CEMIP: variants seen among roughly 807,000 people sequenced by gnomAD.
CEMIP encodes cell migration inducing hyaluronidase 1, also known as cell migration-inducing and hyaluronan-binding protein.
Under a neutral mutation model 156.9 loss-of-function variants are expected in CEMIP, and 105 were observed. The observed-to-expected ratio is 0.67, with a 90% confidence interval of 0.57 to 0.79. CEMIP has a LOEUF of 0.79. CEMIP is among the 30% of genes least tolerant of loss of function. The pLI is 0.00. For missense variants in CEMIP, 1,457 were observed against 1,769.4 expected, an observed-to-expected ratio of 0.82 and a Z score of 3.17; for synonymous variants, 676 against 668.4, an observed-to-expected ratio of 1.01 and a Z score of -0.17.
intron 1 of CEMIP, among the ~76,000 whole-genome samples, chr15:80,851,936 TG>T (rs1458925118): frequency 6.6e-6 from 1 of 152,026 alleles, no homozygotes; most frequent in African/African-American, 2.4e-5. Flanking sequence ...AGACTGGAGA[TG>T]GGCTGACCAT....
intron 24 of CEMIP, among the ~76,000 whole-genome samples, chr15:80,937,540 C>A (rs114729178): frequency 1.3e-5 from 2 of 152,196 alleles, no homozygotes; most frequent in East Asian, 1.9e-4. Flanking sequence ...ATATGCAGCA[C>A]CCCCAGGGTT....
At chr15:80,797,420 G>C (rs1896257927) in intron 1 of CEMIP, among the ~76,000 whole-genome samples, 1 of 152,174 alleles carries the variant, frequency 6.6e-6, no homozygotes, top group South Asian at 2.1e-4. Context: ...GCAGGGTCCA[G>C]CTGCTCCTGG....
At chr15:80,868,580 C>T (rs371371035) in intron 1 of CEMIP, among the ~76,000 whole-genome samples, 223 of 152,274 alleles carry the variant, frequency 1.5e-3, no homozygotes, top group African/African-American at 4.6e-3. Context: ...TTCCTATCAG[C>T]GCCTACATTC....
Position 80,873,981 on chromosome 15 carries a change from C to G in CEMIP, c.94+8C>G, listed in dbSNP as rs1246529844. On this transcript the variant is annotated splice_region_variant and intron_variant, in intron 3 of 29. Transcript: ENST00000394685. ...CTGGGGCCACATCCACAGGTGAGCA[C>G]TGCAAACAGATGGACCTCTGTATCT... The G allele has an allele frequency of 1.9e-6, 3 of 1,562,712 alleles. No homozygotes were observed. The highest frequency in any genetic ancestry group is 2.3e-5 in the East Asian group (1 of 43,012).
chr15:80,846,244 A>G (rs1897553706), intron 1 of CEMIP, among the ~76,000 whole-genome samples: 1 of 152,134 alleles, frequency 6.6e-6, no homozygotes, highest in Admixed American at 6.5e-5. Context: ...ACTCACCCAC[A>G]TAGGCCCGTG....
chr15:80,909,524 G>A (rs1005056911), intron 14 of CEMIP: 6 of 639,660 alleles, frequency 9.4e-6, no homozygotes, highest in African/African-American at 1.8e-5. Flanking sequence ...AGAGATGGGA[G>A]AGTGATTACT....
At position 80,906,686 on chromosome 15, in the gene CEMIP, G is replaced by A. The variant is rs770502339; in HGVS notation, c.1435G>A (p.Gly479Arg). Residue 479 changes from glycine to arginine, a missense_variant, in exon 13 of 30, where the codon GGG (glycine) becomes AGG (arginine). Physicochemically the swap from Gly to Arg is moderately radical, Grantham distance 125 (BLOSUM62 -2). Coordinates refer to ENST00000394685, the MANE Select transcript of CEMIP (RefSeq NM_001293298.2). The surrounding 1 kb of genome is among the most constrained non-coding windows in gnomAD (Gnocchi z 4.3). The stretch of plus-strand genomic sequence containing the variant: ...AGGGAAACCAATGTACCTGCACATC[G>A]GGGAGGAGATAGACGGCGTGGACAT... Reference protein sequence around the residue: ...VAGKPMYLHIGEEIDGVDMRA... With the variant: ...VAGKPMYLHIREEIDGVDMRA... 8.7e-6 allele frequency: 14 copies of A among 1,614,000 alleles called. No individual in the cohort carries two copies. The highest frequency in any genetic ancestry group is 1.3e-5 in the African/African-American group (1 of 75,028).
intron 1 of CEMIP, among the ~76,000 whole-genome samples, chr15:80,854,804 C>A (rs544938254): frequency 6.6e-6 from 1 of 152,020 alleles, no homozygotes; most frequent in African/African-American, 2.4e-5. Context: ...AAAATAAATC[C>A]ACGAGATAAT....
intron 1 of CEMIP, among the ~76,000 whole-genome samples, 160 bp downstream of exon 1, chr15:80,779,774 ATCTG>A (rs1418529174): frequency 6.6e-6 from 1 of 152,164 alleles, no homozygotes; most frequent in African/African-American, 2.4e-5. Context: ...GTCTACCTCT[ATCTG>A]TCTGTTTGTC....
At chr15:80,909,700 C>T (rs985399459) in intron 14 of CEMIP, 2 of 444,468 alleles carry the variant, frequency 4.5e-6, no homozygotes, top group African/African-American at 4.0e-5. Flanking sequence ...GAGATGGTGA[C>T]AACAATGGGC....
chr15:80,784,846 G>A (rs965921724), intron 1 of CEMIP, among the ~76,000 whole-genome samples: 27 of 152,206 alleles, frequency 1.8e-4, no homozygotes, highest in African/African-American at 5.3e-4. Flanking sequence ...AGTCGTGGGG[G>A]CCTATGTCAT....
chr15:80,883,616 T>G (rs918919120), intron 6 of CEMIP, among the ~76,000 whole-genome samples: 4 of 152,266 alleles, frequency 2.6e-5, no homozygotes, highest in African/African-American at 7.2e-5. Flanking sequence ...TAAGAATCAT[T>G]AACAGGTCAA....
chr15:80,829,056 A>G (rs886189758), intron 1 of CEMIP, among the ~76,000 whole-genome samples: 4 of 152,234 alleles, frequency 2.6e-5, no homozygotes, highest in African/African-American at 9.6e-5. Flanking sequence ...AGTGGAGGCC[A>G]CATTTTGTGA....
At chr15:80,940,699 AGAG>A (rs1901302347) in intron 25 of CEMIP, among the ~76,000 whole-genome samples, 1 of 152,230 alleles carries the variant, frequency 6.6e-6, no homozygotes, top group South Asian at 2.1e-4. Flanking sequence ...GGTGCTACAG[AGAG>A]AAGACCAAGG....
intron 15 of CEMIP, 79 bp from the exon 16 acceptor site, chr15:80,920,953 C>T: frequency 1.7e-6 from 2 of 1,207,082 alleles, no homozygotes; most frequent in Non-Finnish European, 1.2e-6. Context: ...ATCAGAGTGC[C>T]CAACCTGCAC....
chr15:80,918,794 C>T (rs1900366127), intron 14 of CEMIP, among the ~76,000 whole-genome samples: 1 of 152,082 alleles, frequency 6.6e-6, no homozygotes, highest in Non-Finnish European at 1.5e-5. Context: ...AAGCAGGGTA[C>T]CTGTTTGCCA....
At chr15:80,810,431 A>ATG in intron 1 of CEMIP, among the ~76,000 whole-genome samples, 1 of 152,078 alleles carries the variant, frequency 6.6e-6, no homozygotes, top group Non-Finnish European at 1.5e-5. Context: ...GCAGTGGCGC[A>ATG]ATCTCAGCTC....
intron 18 of CEMIP, 48 bp downstream of exon 18, chr15:80,924,754 G>A (rs1485469875): frequency 6.8e-7 from 1 of 1,469,636 alleles, no homozygotes; most frequent in Non-Finnish European, 9.5e-7. Flanking sequence ...TTGCAGTCCA[G>A]CTCCTGCCTC....
intron 1 of CEMIP, among the ~76,000 whole-genome samples, chr15:80,781,135 G>A (rs1398837942): frequency 3.3e-5 from 5 of 152,236 alleles, no homozygotes; most frequent in Admixed American, 1.3e-4. Context: ...AATTACGCCA[G>A]ACATAATTAG....
Sources: gnomAD v4.1 joint callset for allele counts (sites outside exome capture counted in the v4.1 genomes callset) on GRCh38, gnomAD v4.1.1 for gene constraint, Gnocchi (gnomAD v3.1) non-coding constraint, MANE v1.5 for transcripts, NCBI Gene and HGNC (gene_info 2026-07-23, HGNC 2026-07-21) for gene names.